Variants in KCNIP4 observed in about 807,000 individuals in gnomAD.
The protein encoded by KCNIP4 is Kv channel-interacting protein 4.
Under a neutral mutation model 34.0 loss-of-function variants are expected in KCNIP4, and 12 were observed. That is an observed-to-expected ratio of 0.35 (90% CI 0.23 to 0.57). The LOEUF is 0.57. Ranked by LOEUF, KCNIP4 falls within the 20% of genes least tolerant of loss-of-function variation. The pLI is 0.83. For synonymous variants in KCNIP4, 124 were observed against 102.2 expected (o/e 1.21, Z -1.29); for missense variants, 238 against 311.7 (o/e 0.76, Z 1.78).
chr4:21,930,500 GCT>G (rs1482495808), intron 1 of KCNIP4, among the ~76,000 whole-genome samples: 1 of 151,998 alleles, frequency 6.6e-6, no homozygotes, highest in Non-Finnish European at 1.5e-5. Flanking sequence ...TAAAAGCAAG[GCT>G]CTGAAATAGT....
intron 1 of KCNIP4, among the ~76,000 whole-genome samples, chr4:21,944,202 C>T (rs1187677418): frequency 6.6e-6 from 1 of 151,768 alleles, no homozygotes; most frequent in African/African-American, 2.4e-5. Context: ...AAAAGACAAC[C>T]ATGTGAAAGG....
Position 20,829,095 on chromosome 4 carries a change from T to C in KCNIP4, c.288+21448A>G, listed in dbSNP as rs1560496443. Among the ~76,000 whole-genome samples, 3 of 152,324 alleles carry C rather than the reference T, an allele frequency of 2.0e-5. No homozygotes were observed. In the East Asian group the frequency reaches 5.8e-4, roughly 29 times the overall value. ...CGGCAGAGGTCCATCTTTAAACCAT[T>C]GTGAACAGGCAGGGGTTCATCTTTA... On this transcript the variant is annotated intron_variant, in intron 3 of 8. Transcript: ENST00000382152.
intron 1 of KCNIP4, among the ~76,000 whole-genome samples, chr4:21,172,262 C>T (rs1210482664): frequency 1.3e-5 from 2 of 152,148 alleles, no homozygotes; most frequent in African/African-American, 4.8e-5. Flanking sequence ...AAACACCTGA[C>T]CTCAAGCAAT....
At chr4:21,445,562 G>A (rs1727906975) in intron 1 of KCNIP4, among the ~76,000 whole-genome samples, 1 of 152,176 alleles carries the variant, frequency 6.6e-6, no homozygotes, top group Non-Finnish European at 1.5e-5. Flanking sequence ...GGGAAAACTG[G>A]CTAGCCATAT....
chr4:21,524,425 T>C (rs1286703939), intron 1 of KCNIP4, among the ~76,000 whole-genome samples: 1 of 152,208 alleles, frequency 6.6e-6, no homozygotes, highest in Non-Finnish European at 1.5e-5. Context: ...CTCTTGCATC[T>C]GATTTTTCCT....
At chr4:21,612,922 A>G (rs1255465123) in intron 1 of KCNIP4, among the ~76,000 whole-genome samples, 3 of 152,182 alleles carry the variant, frequency 2.0e-5, no homozygotes, top group African/African-American at 7.2e-5. Flanking sequence ...CTTCCTTTTA[A>G]TAGAAGTAAT....
chr4:21,746,229 T>A (rs1261463914), intron 1 of KCNIP4, among the ~76,000 whole-genome samples: 1 of 152,306 alleles, frequency 6.6e-6, no homozygotes, highest in East Asian at 1.9e-4. Flanking sequence ...TATAGTATCA[T>A]GCTGAGGTTT....
intron 1 of KCNIP4, among the ~76,000 whole-genome samples, chr4:21,174,020 G>T (rs1338070003): frequency 6.6e-6 from 1 of 151,964 alleles, no homozygotes. Flanking sequence ...CCTCCTAATG[G>T]GACACTGATG....
intron 3 of KCNIP4, among the ~76,000 whole-genome samples, chr4:20,795,516 A>AATC (rs1450558714): frequency 1.3e-5 from 2 of 152,066 alleles, no homozygotes; most frequent in African/African-American, 4.8e-5. Flanking sequence ...TCTTTCTCTG[A>AATC]ATCATAGTTA....
chr4:20,810,884 T>G, intron 3 of KCNIP4, among the ~76,000 whole-genome samples: 1 of 152,366 alleles, frequency 6.6e-6, no homozygotes, highest in Non-Finnish European at 1.5e-5. Flanking sequence ...GCTGATTTCT[T>G]GCTAAATTCC....
intron 1 of KCNIP4, among the ~76,000 whole-genome samples, chr4:21,396,167 C>T (rs913682655): frequency 1.3e-5 from 2 of 150,980 alleles, no homozygotes; most frequent in Non-Finnish European, 2.9e-5. Context: ...TCTATATATA[C>T]ATATATAGTC....
chr4:21,127,693 C>A (rs1750733560), intron 1 of KCNIP4, among the ~76,000 whole-genome samples: 1 of 152,152 alleles, frequency 6.6e-6, no homozygotes, highest in African/African-American at 2.4e-5. Flanking sequence ...TGAAACTCTC[C>A]AATGTGTTAA....
intron 1 of KCNIP4, among the ~76,000 whole-genome samples, chr4:21,256,604 G>T (rs944486661): frequency 2.0e-5 from 3 of 151,284 alleles, no homozygotes; most frequent in African/African-American, 7.3e-5. Flanking sequence ...CTCAAGAAAA[G>T]AAAAAAAAGA....
intron 1 of KCNIP4, among the ~76,000 whole-genome samples, chr4:21,065,758 ATATATAT>A (rs1560690370): frequency 0.037 from 5,164 of 140,444 alleles, 149 homozygotes; most frequent in East Asian, 0.12. Flanking sequence ...ATATATATAT[ATATATAT>A]AACTCAATTT....
At chr4:21,225,578 G>T (rs1268170556) in intron 1 of KCNIP4, among the ~76,000 whole-genome samples, 2 of 152,036 alleles carry the variant, frequency 1.3e-5, no homozygotes, top group Non-Finnish European at 2.9e-5. Flanking sequence ...CTGGATTTTT[G>T]ATGTTGAATG....
intron 1 of KCNIP4, among the ~76,000 whole-genome samples, chr4:21,650,274 TC>T (rs1358884186): frequency 1.2e-4 from 18 of 152,236 alleles, no homozygotes; most frequent in African/African-American, 4.3e-4. Context: ...TTGGACTTTG[TC>T]CTTGTTCCAG....
At chr4:21,913,233 G>C (rs1578138525) in intron 1 of KCNIP4, among the ~76,000 whole-genome samples, 1 of 152,224 alleles carries the variant, frequency 6.6e-6, no homozygotes, top group East Asian at 1.9e-4. Flanking sequence ...CCAGCTACTT[G>C]GGAGGCTGAG....
chr4:21,264,554 A>G (rs1201841425), intron 1 of KCNIP4, among the ~76,000 whole-genome samples: 1 of 152,118 alleles, frequency 6.6e-6, no homozygotes, highest in Non-Finnish European at 1.5e-5. Flanking sequence ...CCTGTGTAAA[A>G]TGAGGATGAA....
rs1560464540 is a variant in KCNIP4 at position 20,786,858 on chromosome 4, A to T, written c.289-27968T>A. 4.1e-5 allele frequency among the ~76,000 whole-genome samples: 6 copies of T among 146,204 alleles called. No homozygotes were observed. In the South Asian group the frequency reaches 1.3e-3, roughly 33 times the overall value. ...ATACAGTTCTTTATCTTTATCAATG[A>T]TATAGCCTTGAACAACTCCCTTAAC... On this transcript the variant is annotated intron_variant, in intron 3 of 8. Transcript: ENST00000382152.
Sources: gnomAD v4.1 joint callset for allele counts (sites outside exome capture counted in the v4.1 genomes callset) on GRCh38, gnomAD v4.1.1 for gene constraint, MANE v1.5 for transcripts, NCBI Gene and HGNC (gene_info 2026-07-23, HGNC 2026-07-21) for gene names.